Variants in PDGFD observed in about 807,000 individuals in gnomAD.
PDGFD encodes platelet-derived growth factor D.
PDGFD carries 30 observed loss-of-function variants against 44.7 expected under a neutral mutation model. That is an observed-to-expected ratio of 0.67 (90% CI 0.50 to 0.91). The LOEUF is 0.91. PDGFD is among the 40% of genes least tolerant of loss of function. PDGFD has a pLI of 0.00. For synonymous variants in PDGFD, 173 were observed against 168.4 expected (o/e 1.03, Z -0.21); for missense variants, 445 against 457.8 (o/e 0.97, Z 0.25).
At chr11:104,030,416 C>G (rs924076603) in intron 1 of PDGFD, among the ~76,000 whole-genome samples, 1 of 152,178 alleles carries the variant, frequency 6.6e-6, no homozygotes, top group Non-Finnish European at 1.5e-5. Context: ...GAAATCTTCA[C>G]GAACTCTAAA....
intron 4 of PDGFD, chr11:103,946,319 C>T (rs1056387207): frequency 6.6e-6 from 1 of 152,230 alleles, no homozygotes; most frequent in African/African-American, 2.4e-5. Flanking sequence ...AGTTAAGCAG[C>T]ACCTAGACTT....
intron 1 of PDGFD, among the ~76,000 whole-genome samples, chr11:104,107,004 C>T (rs1032083497): frequency 6.6e-6 from 1 of 152,072 alleles, no homozygotes; most frequent in Non-Finnish European, 1.5e-5. Flanking sequence ...CTCAGGCTCC[C>T]AAAGTGCTGG....
At chr11:103,939,019 G>T (rs1858538781) in intron 5 of PDGFD, among the ~76,000 whole-genome samples, 1 of 152,096 alleles carries the variant, frequency 6.6e-6, no homozygotes, top group Non-Finnish European at 1.5e-5. Context: ...TTTGGCTTAG[G>T]ATTGACTTGG....
intron 5 of PDGFD, among the ~76,000 whole-genome samples, chr11:103,931,694 C>A (rs1858401747): frequency 6.6e-6 from 1 of 152,142 alleles, no homozygotes; most frequent in Non-Finnish European, 1.5e-5. Context: ...TTAAGCAATT[C>A]TCCCGCCTCA....
intron 3 of PDGFD, among the ~76,000 whole-genome samples, chr11:103,987,756 G>T (rs1859390939): frequency 6.6e-6 from 1 of 152,146 alleles, no homozygotes; most frequent in African/African-American, 2.4e-5. Flanking sequence ...GCAACACTCT[G>T]AATTAACTCA....
chr11:104,053,333 T>C (rs1036207002), intron 1 of PDGFD, among the ~76,000 whole-genome samples: 3 of 152,242 alleles, frequency 2.0e-5, no homozygotes, highest in African/African-American at 7.2e-5. Context: ...AAAGGCACCA[T>C]GCAAAATAAC....
chr11:104,144,554 A>G (rs953330597), intron 1 of PDGFD, among the ~76,000 whole-genome samples: 3 of 151,612 alleles, frequency 2.0e-5, no homozygotes, highest in Non-Finnish European at 4.4e-5. Context: ...CAAACAAACA[A>G]AAAGGCCAAA....
intron 1 of PDGFD, among the ~76,000 whole-genome samples, chr11:104,103,442 A>G (rs1861425451): frequency 7.8e-6 from 1 of 127,818 alleles, no homozygotes; most frequent in African/African-American, 3.1e-5. Context: ...ATAAAAACAG[A>G]CAATTATGTG....
intron 2 of PDGFD, among the ~76,000 whole-genome samples, chr11:103,997,150 T>C (rs1014684011): frequency 1.8e-4 from 27 of 152,208 alleles, no homozygotes; most frequent in African/African-American, 6.5e-4. Flanking sequence ...AGCTGAACTA[T>C]TTCTTTCAGT....
At chr11:104,124,541 A>G (rs1457712421) in intron 1 of PDGFD, among the ~76,000 whole-genome samples, 1 of 152,096 alleles carries the variant, frequency 6.6e-6, no homozygotes, top group African/African-American at 2.4e-5. Context: ...TCATGTTCAC[A>G]TTCATTTCTC....
chr11:104,123,036 G>A (rs1311320098), intron 1 of PDGFD, among the ~76,000 whole-genome samples: 1 of 151,976 alleles, frequency 6.6e-6, no homozygotes, highest in Non-Finnish European at 1.5e-5. Flanking sequence ...TAAAACCACT[G>A]GGGAGTTTGT....
intron 1 of PDGFD, among the ~76,000 whole-genome samples, chr11:104,068,215 C>G (rs553932039): frequency 3.9e-5 from 6 of 152,224 alleles, no homozygotes; most frequent in South Asian, 4.1e-4. Flanking sequence ...GTCTCCATTA[C>G]AGAGTTTAAG....
At chr11:104,026,912 A>C (rs778552799) in intron 1 of PDGFD, among the ~76,000 whole-genome samples, 2 of 152,256 alleles carry the variant, frequency 1.3e-5, no homozygotes, top group Non-Finnish European at 2.9e-5. Flanking sequence ...CTTGATGTCA[A>C]GTTCAACAGT....
At chr11:103,924,215 A>C (rs994727251) in intron 6 of PDGFD, among the ~76,000 whole-genome samples, 4 of 152,062 alleles carry the variant, frequency 2.6e-5, no homozygotes, top group African/African-American at 9.7e-5. Flanking sequence ...AAAATAAAGC[A>C]CTCCACAAAT....
intron 3 of PDGFD, among the ~76,000 whole-genome samples, chr11:103,959,729 G>A (rs148296629): frequency 1.9e-3 from 294 of 152,192 alleles, no homozygotes; most frequent in African/African-American, 6.6e-3. Context: ...TTTACAAAGA[G>A]AAAAAATACT....
At chr11:104,065,762 C>T (rs1194641538) in intron 1 of PDGFD, among the ~76,000 whole-genome samples, 2 of 152,118 alleles carry the variant, frequency 1.3e-5, no homozygotes, top group African/African-American at 4.8e-5. Context: ...GCCCTTGAAT[C>T]GTTTGAAAAC....
At chr11:104,115,284 CAT>C (rs1021517736) in intron 1 of PDGFD, among the ~76,000 whole-genome samples, 5 of 146,668 alleles carry the variant, frequency 3.4e-5, no homozygotes, top group South Asian at 2.1e-4. Flanking sequence ...TATGTATATA[CAT>C]ATATATATGA....
At chr11:104,092,248 A>G (rs2061382766) in intron 1 of PDGFD, among the ~76,000 whole-genome samples, 1 of 152,168 alleles carries the variant, frequency 6.6e-6, no homozygotes, top group African/African-American at 2.4e-5. Flanking sequence ...GCTTCTTTAT[A>G]TGCCTAAATT....
At position 103,909,585 on chromosome 11, in the gene PDGFD, C is replaced by T; in HGVS notation, c.*109G>A. 2 of 1,382,322 alleles carry T rather than the reference C, an allele frequency of 1.4e-6. No individual in the cohort carries two copies. Among genetic ancestry groups the T allele is most frequent in the East Asian group, 2.3e-5 (1 of 43,546 alleles). 85.6% of individuals were successfully genotyped at this position (1,382,322 alleles called of 1,614,324 possible). On this transcript the variant is annotated 3_prime_UTR_variant, in exon 7 of 7. Transcript: ENST00000393158. ...ACTCAGCAACCACTTGTGTTCATTG[C>T]ATTGCAGGCTAGTAGTAAGTTTGGT...
Sources: allele counts gnomAD v4.1 joint callset (sites outside exome capture counted in the v4.1 genomes callset), GRCh38; gene constraint gnomAD v4.1.1; transcripts MANE v1.5; gene names NCBI Gene and HGNC (gene_info 2026-07-23, HGNC 2026-07-21).